Variants in TDRD1 observed in about 807,000 individuals in gnomAD.
TDRD1 encodes the protein tudor domain-containing protein 1.
TDRD1 carries 37 observed loss-of-function variants against 140.6 expected under a neutral mutation model. The observed-to-expected ratio is 0.26, with a 90% CI of 0.20 to 0.35. TDRD1 has a LOEUF of 0.35. Ranked by LOEUF, TDRD1 falls within the 10% of genes least tolerant of loss-of-function variation. The pLI, the probability that TDRD1 is intolerant of heterozygous loss-of-function variation, is 1.00. For synonymous variants in TDRD1, 506 were observed against 475.7 expected (o/e 1.06, Z -0.83); for missense variants, 1,243 against 1,393.0 (o/e 0.89, Z 1.71).
chr10:114,221,299 G>A, intron 19 of TDRD1, 58 bp from the exon 20 acceptor site: 2 of 1,532,930 alleles, frequency 1.3e-6, no homozygotes, highest in South Asian at 1.2e-5. Context: ...TGTTACTGAG[G>A]AAAACAACAG....
intron 3 of TDRD1, among the ~76,000 whole-genome samples, chr10:114,192,165 A>G (rs982241522): frequency 6.6e-6 from 1 of 150,380 alleles, no homozygotes; most frequent in Non-Finnish European, 1.5e-5. Context: ...TTGTCTTTTC[A>G]TCTTAATAAA....
At chr10:114,222,684 A>C (rs773550313) in exon 21 of TDRD1, 2 of 1,602,832 alleles carry the variant, frequency 1.2e-6, no homozygotes. Context: ...TTGGAGACGC[A>C]TGCTGTGCCA....
At chr10:114,210,815 AATGT>A (rs1485998360) in intron 12 of TDRD1, 41 bp from the exon 13 acceptor site, 1 of 1,613,390 alleles carries the variant, frequency 6.2e-7, no homozygotes, top group South Asian at 1.1e-5. Context: ...ATGTAGAAAT[AATGT>A]ATAGATACGT....
intron 25 of TDRD1, among the ~76,000 whole-genome samples, chr10:114,229,819 T>TA (rs1564701759): frequency 1.1e-4 from 14 of 127,934 alleles, no homozygotes; most frequent in Non-Finnish European, 1.7e-4. Context: ...ATATATATAT[T>TA]TTTTTTTTAT....
At chr10:114,210,204 G>C (rs1018858506) in intron 11 of TDRD1, among the ~76,000 whole-genome samples, 3 of 152,138 alleles carry the variant, frequency 2.0e-5, no homozygotes, top group Non-Finnish European at 2.9e-5. Flanking sequence ...TTTCACTTTA[G>C]AGTGAGTAGG....
chr10:114,178,234 T>TAAA (rs1028786914), upstream of TDRD1, among the ~76,000 whole-genome samples: 12 of 152,182 alleles, frequency 7.9e-5, no homozygotes, highest in African/African-American at 2.9e-4. Flanking sequence ...ATCAGGCTTT[T>TAAA]AAAGAATTGA....
chr10:114,196,663 TC>T (rs202127303), intron 3 of TDRD1, among the ~76,000 whole-genome samples: 51 of 151,272 alleles, frequency 3.4e-4, no homozygotes, highest in Admixed American at 3.2e-3. Flanking sequence ...TTTAAAAATT[TC>T]CCCCCCCATA....
At chr10:114,223,654 A>G (rs1041823285) in intron 21 of TDRD1, among the ~76,000 whole-genome samples, 8 of 152,208 alleles carry the variant, frequency 5.3e-5, no homozygotes, top group African/African-American at 1.7e-4. Flanking sequence ...TTTTGGTTCT[A>G]TAAGTATTCT....
intron 21 of TDRD1, among the ~76,000 whole-genome samples, chr10:114,223,914 C>T (rs998003925): frequency 3.3e-5 from 5 of 152,188 alleles, no homozygotes; most frequent in Admixed American, 2.0e-4. Flanking sequence ...CAGACCTGAG[C>T]TGTTATCCTG....
Position 114,188,396 on chromosome 10 carries a change from A to G in TDRD1, c.325+240A>G, listed in dbSNP as rs141960917. Among the ~76,000 whole-genome samples, 19 of 152,348 alleles carry G rather than the reference A, an allele frequency of 1.2e-4. No homozygotes were observed. In the East Asian group the frequency reaches 3.7e-3, roughly 29 times the overall value. ...ATGAGCTTTTTCCCCACAGAGGACT[A>G]TACTAGGAATGTAGAAAGGAAACAC... On this transcript the variant is annotated intron_variant, in intron 2 of 25. Coordinates refer to ENST00000251864, the Ensembl canonical transcript of TDRD1.
At chr10:114,207,262 C>T (rs1005243693) in intron 11 of TDRD1, among the ~76,000 whole-genome samples, 1 of 152,236 alleles carries the variant, frequency 6.6e-6, no homozygotes, top group African/African-American at 2.4e-5. Flanking sequence ...CGTGGTTGGA[C>T]ACATCCTATC....
At chr10:114,229,180 G>A (rs1340460219) in intron 25 of TDRD1, among the ~76,000 whole-genome samples, 1 of 152,112 alleles carries the variant, frequency 6.6e-6, no homozygotes, top group African/African-American at 2.4e-5. Flanking sequence ...CCAGCCAAAA[G>A]CAAAGGAACT....
intron 21 of TDRD1, among the ~76,000 whole-genome samples, chr10:114,224,611 A>G (rs1396973708): frequency 1.3e-5 from 2 of 152,024 alleles, no homozygotes; most frequent in Non-Finnish European, 2.9e-5. Context: ...GATTTCCTCA[A>G]TTTCACCTTC....
At chr10:114,198,864 T>C (rs2034546754) in intron 3 of TDRD1, among the ~76,000 whole-genome samples, 1 of 152,122 alleles carries the variant, frequency 6.6e-6, no homozygotes, top group African/African-American at 2.4e-5. Flanking sequence ...TCTCTGCCTT[T>C]TGGTGTTTCT....
intron 1 of TDRD1, among the ~76,000 whole-genome samples, chr10:114,182,991 C>T (rs768109191): frequency 1.3e-5 from 2 of 152,100 alleles, no homozygotes; most frequent in African/African-American, 4.8e-5. Flanking sequence ...GCCAATCATA[C>T]GAATATCTTT....
chr10:114,177,160 A>G (rs545398434), upstream of TDRD1, among the ~76,000 whole-genome samples: 1 of 152,352 alleles, frequency 6.6e-6, no homozygotes, highest in African/African-American at 2.4e-5. Context: ...CAAATCTCCC[A>G]TGCAGAAGAA....
At chr10:114,220,822 G>C in exon 19 of TDRD1, 1 of 1,611,764 alleles carries the variant, frequency 6.2e-7, no homozygotes, top group African/African-American at 1.3e-5. Context: ...TGAGCTTCAA[G>C]TTCATGTACA....
chr10:114,211,358 A>G (rs1408459065), intron 13 of TDRD1, among the ~76,000 whole-genome samples: 3 of 152,172 alleles, frequency 2.0e-5, no homozygotes, highest in Non-Finnish European at 4.4e-5. Flanking sequence ...TGGAGCTGTC[A>G]TGGTGCAGCT....
intron 13 of TDRD1, among the ~76,000 whole-genome samples, chr10:114,211,308 T>C (rs914283823): frequency 6.6e-6 from 1 of 152,180 alleles, no homozygotes; most frequent in African/African-American, 2.4e-5. Flanking sequence ...GGTTCATATC[T>C]TCACCGGTTT....
Sources: allele counts gnomAD v4.1 joint callset (sites outside exome capture counted in the v4.1 genomes callset), GRCh38; gene constraint gnomAD v4.1.1; transcripts MANE v1.5; gene names NCBI Gene and HGNC (gene_info 2026-07-23, HGNC 2026-07-21).